Variants in LEPR observed in about 807,000 individuals in gnomAD.
LEPR encodes leptin receptor, also known as OB receptor.
LEPR carries 56 observed loss-of-function variants against 114.7 expected under a neutral mutation model. The ratio of observed to expected loss-of-function variants is 0.49; its 90% CI spans 0.39 to 0.61. The LOEUF is 0.61. Among genes scored for constraint, LEPR ranks in the 20% least tolerant of loss-of-function variants. The probability of loss-of-function intolerance (pLI) is 0.00; values close to 1 mark genes in which losing one functional copy is unlikely to be tolerated. For missense variants in LEPR, 1,202 were observed against 1,352.9 expected, an observed-to-expected ratio of 0.89 and a Z score of 1.75; for synonymous variants, 443 against 461.4, an observed-to-expected ratio of 0.96 and a Z score of 0.51.
chr1:65,431,763 A>G (rs1646487543), intron 2 of LEPR: 1 of 1,595,714 alleles, frequency 6.3e-7, no homozygotes, highest in Admixed American at 1.8e-5. Flanking sequence ...GTACAATATG[A>G]AGGAAGTAAG....
intron 2 of LEPR, among the ~76,000 whole-genome samples, chr1:65,438,956 A>C (rs1292475518): frequency 6.6e-6 from 1 of 152,200 alleles, no homozygotes; most frequent in Non-Finnish European, 1.5e-5. Flanking sequence ...TTTCTAGGTG[A>C]AACTGATTCT....
chr1:65,612,261 A>G (rs1657225916), intron 14 of LEPR, among the ~76,000 whole-genome samples: 1 of 152,274 alleles, frequency 6.6e-6, no homozygotes, highest in African/African-American at 2.4e-5. Context: ...CGGCAAAGAT[A>G]GTACAGAGAA....
intron 2 of LEPR, among the ~76,000 whole-genome samples, chr1:65,527,706 T>C (rs557264362): frequency 6.6e-6 from 1 of 152,342 alleles, no homozygotes; most frequent in Admixed American, 6.5e-5. Flanking sequence ...CTTTTATGAG[T>C]ACATTTTAAC....
chr1:65,605,889 A>G (rs1168685373), intron 11 of LEPR, among the ~76,000 whole-genome samples: 1 of 152,184 alleles, frequency 6.6e-6, no homozygotes, highest in Non-Finnish European at 1.5e-5. Flanking sequence ...CATATGTATA[A>G]CTAAGGAAGC....
intron 2 of LEPR, among the ~76,000 whole-genome samples, chr1:65,546,717 A>G (rs1651762658): frequency 6.6e-6 from 1 of 152,164 alleles, no homozygotes; most frequent in Admixed American, 6.6e-5. Context: ...GGCTGAGACA[A>G]TGGGGTTTTC....
intron 2 of LEPR, among the ~76,000 whole-genome samples, chr1:65,527,165 A>G (rs530339052): frequency 1.3e-5 from 2 of 152,380 alleles, no homozygotes; most frequent in Non-Finnish European, 1.5e-5. Context: ...CACCTTTCCT[A>G]TCAATTATTG....
At chr1:65,542,733 G>A (rs1651327320) in intron 2 of LEPR, among the ~76,000 whole-genome samples, 1 of 151,892 alleles carries the variant, frequency 6.6e-6, no homozygotes, top group Admixed American at 6.6e-5. Flanking sequence ...CTGTTCCTGT[G>A]TTAGTTTGCT....
At chr1:65,434,000 T>C in intron 2 of LEPR, 3 of 985,352 alleles carry the variant, frequency 3.0e-6, no homozygotes, top group Non-Finnish European at 3.6e-6. Flanking sequence ...ATGGCAATAA[T>C]GATTCATTTC....
At chr1:65,466,157 C>T (rs1647008900) in intron 2 of LEPR, among the ~76,000 whole-genome samples, 2 of 152,168 alleles carry the variant, frequency 1.3e-5, no homozygotes, top group African/African-American at 4.8e-5. Flanking sequence ...TTCATAGTGG[C>T]TGGTACCGGT....
chr1:65,524,428 T>C (rs1171281), intron 2 of LEPR, among the ~76,000 whole-genome samples: 38,373 of 152,070 alleles, frequency 0.25, 6,108 homozygotes, highest in African/African-American at 0.44. Flanking sequence ...CTTCAACAAC[T>C]GGTCTGGAGA....
intron 2 of LEPR, among the ~76,000 whole-genome samples, chr1:65,505,369 T>TC (rs1648670387): frequency 6.6e-6 from 1 of 152,194 alleles, no homozygotes; most frequent in Non-Finnish European, 1.5e-5. Flanking sequence ...ACATGCATAC[T>TC]CTTTCCTCTG....
chr1:65,509,933 T>TG (rs1648948157), intron 2 of LEPR, among the ~76,000 whole-genome samples: 1 of 152,212 alleles, frequency 6.6e-6, no homozygotes, highest in African/African-American at 2.4e-5. Context: ...GTCGTCCACA[T>TG]GGCATGGAAT....
intron 2 of LEPR, among the ~76,000 whole-genome samples, chr1:65,515,271 A>C (rs990583969): frequency 3.3e-5 from 5 of 152,176 alleles, no homozygotes. Flanking sequence ...AGTTGACAAT[A>C]CTCTGAGAAC....
At chr1:65,623,988 C>T (rs1218530694) in intron 19 of LEPR, among the ~76,000 whole-genome samples, 2 of 152,062 alleles carry the variant, frequency 1.3e-5, no homozygotes, top group African/African-American at 4.8e-5. Context: ...GAATTTCTAC[C>T]CCCTTTAAGT....
intron 3 of LEPR, among the ~76,000 whole-genome samples, chr1:65,568,944 T>G (rs566757974): frequency 6.6e-6 from 1 of 152,228 alleles, no homozygotes; most frequent in African/African-American, 2.4e-5. Context: ...GGCATTTTTT[T>G]CATGTTCATT....
intron 2 of LEPR, among the ~76,000 whole-genome samples, chr1:65,437,888 CA>C (rs76430564): frequency 1 from 151,753 of 151,756 alleles, 75,875 homozygotes; most frequent in Non-Finnish European, 1. Context: ...TGGCTCACTG[CA>C]AACCTTAACC....
intron 2 of LEPR, among the ~76,000 whole-genome samples, chr1:65,454,432 T>G (rs559876741): frequency 1.7e-4 from 26 of 152,302 alleles, no homozygotes; most frequent in Non-Finnish European, 2.5e-4. Flanking sequence ...GGTTGTTCCT[T>G]TCCATGTTTA....
At chr1:65,446,345 T>G (rs1646714181) in intron 2 of LEPR, among the ~76,000 whole-genome samples, 1 of 152,208 alleles carries the variant, frequency 6.6e-6, no homozygotes, top group Non-Finnish European at 1.5e-5. Context: ...GACATTGCCA[T>G]GGCATCTGTA....
intron 14 of LEPR, among the ~76,000 whole-genome samples, chr1:65,612,455 A>G (rs1657236808): frequency 6.6e-6 from 1 of 152,204 alleles, no homozygotes; most frequent in Non-Finnish European, 1.5e-5. Context: ...TCCATCCAGG[A>G]TAGCAGATTT....
Sources: gnomAD v4.1 joint callset for allele counts (sites outside exome capture counted in the v4.1 genomes callset) on GRCh38, gnomAD v4.1.1 for gene constraint, MANE v1.5 for transcripts, NCBI Gene and HGNC (gene_info 2026-07-23, HGNC 2026-07-21) for gene names.